Variants in KIZ observed in about 807,000 individuals in gnomAD.
KIZ encodes the protein centrosomal protein kizuna.
In KIZ, 68 loss-of-function variants were observed where a neutral mutation model predicts 79.6. The ratio of observed to expected loss-of-function variants is 0.85; its 90% CI spans 0.70 to 1.05. The LOEUF (loss-of-function observed/expected upper bound fraction) is 1.05, where lower values mean the gene tolerates loss of function less well. Among genes scored for constraint, KIZ ranks in the 50% least tolerant of loss-of-function variants. KIZ has a pLI of 0.00. For synonymous variants in KIZ, 280 were observed against 281.8 expected, an observed-to-expected ratio of 0.99 and a Z score of 0.06; for missense variants, 797 against 800.4, an observed-to-expected ratio of 1.00 and a Z score of 0.05.
At chr20:21,180,497 C>G (rs1439501234) in intron 6 of KIZ, among the ~76,000 whole-genome samples, 1 of 152,082 alleles carries the variant, frequency 6.6e-6, no homozygotes, top group Non-Finnish European at 1.5e-5. Flanking sequence ...CGACTTCAGC[C>G]TCTGTTGGGA....
chr20:21,205,608 T>C, intron 7 of KIZ, 24 bp downstream of exon 7: 2 of 1,025,728 alleles, frequency 1.9e-6, no homozygotes, highest in Non-Finnish European at 3.0e-6. Flanking sequence ...CTGTCTGAAG[T>C]TTTCCCAATC....
chr20:21,161,793 A>G (rs1211610243), intron 4 of KIZ, 78 bp from the exon 5 acceptor site: 1 of 979,854 alleles, frequency 1.0e-6, no homozygotes, highest in Admixed American at 2.9e-5. Flanking sequence ...ACCTCCTTTC[A>G]TTTCTGGAAA....
chr20:21,232,858 G>A (rs1464736955), intron 11 of KIZ, 28 bp downstream of exon 11: 2 of 923,250 alleles, frequency 2.2e-6, no homozygotes, highest in Non-Finnish European at 3.5e-6. Flanking sequence ...TTTCTGAATA[G>A]CAGCAACAAG....
At chr20:21,161,800 GAA>G (rs113752643) in intron 4 of KIZ, 69 bp from the exon 5 acceptor site, 254 of 882,554 alleles carry the variant, frequency 2.9e-4, no homozygotes, top group East Asian at 3.7e-4. Flanking sequence ...TTCATTTCTG[GAA>G]AAAAAAAAAA....
intron 9 of KIZ, among the ~76,000 whole-genome samples, chr20:21,220,623 A>G (rs756454418): frequency 3.3e-5 from 5 of 151,948 alleles, no homozygotes; most frequent in Non-Finnish European, 5.9e-5. Flanking sequence ...AGCTGGGATT[A>G]CAGGCATGTT....
intron 11 of KIZ, among the ~76,000 whole-genome samples, chr20:21,235,888 G>A (rs962359874): frequency 6.6e-6 from 1 of 152,228 alleles, no homozygotes; most frequent in African/African-American, 2.4e-5. Flanking sequence ...GGCATTTTCT[G>A]TCTTTGCCTG....
intron 11 of KIZ, among the ~76,000 whole-genome samples, chr20:21,243,965 C>T (rs911514925): frequency 1.3e-5 from 2 of 152,290 alleles, no homozygotes; most frequent in Middle Eastern, 3.4e-3. Flanking sequence ...CCCAAGAACA[C>T]GTGGCCCCAC....
chr20:21,134,383 G>A (rs1422656345), intron 2 of KIZ, among the ~76,000 whole-genome samples: 15 of 152,192 alleles, frequency 9.9e-5, no homozygotes. Flanking sequence ...CTGAGCCGGT[G>A]ACCTTGGGGC....
At position 21,126,315 on chromosome 20, in the gene KIZ, C is replaced by G. The variant is rs547855068; in HGVS notation, c.89+111C>G. The G allele has an allele frequency of 7.4e-5, 50 of 677,688 alleles. No homozygotes were observed. In the African/African-American group the frequency reaches 8.9e-4, roughly 12 times the overall value. The allele number at this position is 677,688 out of a possible 1,614,324, so 42.0% of individuals were successfully genotyped here. A position where few individuals can be genotyped will look rare whatever the true frequency, so the allele number is the denominator to read the frequency against. On this transcript the variant is annotated intron_variant, in intron 1 of 12. Coordinates refer to ENST00000619189, the MANE Select transcript of KIZ (RefSeq NM_018474.6). ...GTCCGAGGTTCCCCGGGGCCCAGGC[C>G]CGCGCGCAACGCCCCCCAGGCTCCC...
chr20:21,215,574 A>C lies in KIZ; in HGVS notation c.1613-9A>C, dbSNP rs775600858. 6 of 1,568,828 alleles carry C rather than the reference A, an allele frequency of 3.8e-6. No homozygotes were observed. In the South Asian group the frequency reaches 5.7e-5, roughly 15 times the overall value. On this transcript the variant is annotated splice_polypyrimidine_tract_variant and intron_variant, in intron 8 of 12. Coordinates refer to ENST00000619189, the MANE Select transcript of KIZ (RefSeq NM_018474.6). ...AATACTTTTTTTTTATTATGCATTCAATTTTTAGAAGTTTCAAGTGGCTGT... is the reference window on the plus strand; with the variant it reads ...AATACTTTTTTTTTATTATGCATTCCATTTTTAGAAGTTTCAAGTGGCTGT...
intron 4 of KIZ, among the ~76,000 whole-genome samples, chr20:21,155,649 G>A (rs1240211109): frequency 6.6e-6 from 1 of 152,156 alleles, no homozygotes; most frequent in Non-Finnish European, 1.5e-5. Context: ...AAAACCCACT[G>A]AATTGTATGC....
chr20:21,241,324 G>A (rs1258577879), intron 11 of KIZ, among the ~76,000 whole-genome samples: 1 of 152,178 alleles, frequency 6.6e-6, no homozygotes, highest in Non-Finnish European at 1.5e-5. Flanking sequence ...TACTTTCAGA[G>A]ATTTTCCCAA....
chr20:21,219,875 G>A (rs1298691602), intron 9 of KIZ, among the ~76,000 whole-genome samples: 3 of 152,090 alleles, frequency 2.0e-5, no homozygotes, highest in South Asian at 2.1e-4. Context: ...GAGCATGCGA[G>A]TTTTCTGTGT....
At chr20:21,225,410 A>G (rs1258167341) in intron 9 of KIZ, among the ~76,000 whole-genome samples, 1 of 152,174 alleles carries the variant, frequency 6.6e-6, no homozygotes, top group Non-Finnish European at 1.5e-5. Flanking sequence ...TAACTTTACT[A>G]ATGGGGGGAA....
intron 6 of KIZ, among the ~76,000 whole-genome samples, chr20:21,183,878 A>T (rs2034765740): frequency 6.6e-6 from 1 of 152,166 alleles, no homozygotes; most frequent in South Asian, 2.1e-4. Context: ...CGTCTGGATC[A>T]ACTCAGTTCT....
intron 6 of KIZ, among the ~76,000 whole-genome samples, chr20:21,181,826 AG>A (rs2034667770): frequency 6.6e-6 from 1 of 152,212 alleles, no homozygotes; most frequent in Non-Finnish European, 1.5e-5. Flanking sequence ...TTGATATATC[AG>A]GATGCTGTTG....
chr20:21,165,827 TAAA>T (rs1252741531), intron 6 of KIZ, among the ~76,000 whole-genome samples: 2 of 152,202 alleles, frequency 1.3e-5, no homozygotes, highest in Admixed American at 6.5e-5. Context: ...GATGAGACTT[TAAA>T]AGAGACTGGC....
chr20:21,200,664 A>G (rs1443167189), intron 6 of KIZ, among the ~76,000 whole-genome samples: 1 of 152,092 alleles, frequency 6.6e-6, no homozygotes, highest in Non-Finnish European at 1.5e-5. Flanking sequence ...GGCGGAGCTC[A>G]GGTGGAGCTA....
chr20:21,206,366 A>G (rs2035828619), intron 7 of KIZ, among the ~76,000 whole-genome samples: 1 of 152,186 alleles, frequency 6.6e-6, no homozygotes, highest in Non-Finnish European at 1.5e-5. Context: ...AAAGAGAGCC[A>G]AGCCAAGACT....
Sources: allele counts gnomAD v4.1 joint callset (sites outside exome capture counted in the v4.1 genomes callset), GRCh38; gene constraint gnomAD v4.1.1; transcripts MANE v1.5; gene names NCBI Gene and HGNC (gene_info 2026-07-23, HGNC 2026-07-21).